Variants in COL26A1 observed in about 807,000 individuals in gnomAD.
The protein encoded by COL26A1 is collagen alpha-1(XXVI) chain.
COL26A1 carries 41 observed loss-of-function variants against 59.3 expected under a neutral mutation model. The observed-to-expected ratio is 0.69, with a 90% CI of 0.54 to 0.90. The LOEUF (loss-of-function observed/expected upper bound fraction) is 0.90. Ranked by LOEUF, COL26A1 falls within the 40% of genes least tolerant of loss-of-function variation. COL26A1 has a pLI of 0.00. For synonymous variants in COL26A1, 266 were observed against 256.0 expected (o/e 1.04, Z -0.37); for missense variants, 612 against 602.3 (o/e 1.02, Z -0.17).
rs559924296 is a variant in COL26A1, at chr7:101,388,194, C to T, written c.158+25004C>T. 8.9e-4 allele frequency among the ~76,000 whole-genome samples: 135 copies of T among 151,896 alleles called. 1 individual carries two copies. The highest frequency in any genetic ancestry group is 6.0e-3 in the South Asian group (29 of 4,796). ...ATCTTGCAAAACTGAAACTCTGGGC[C>T]GGGCGCCGTGGCTCACGCCTGTAAT... On this transcript the variant is annotated intron_variant, in intron 1 of 12. Transcript: ENST00000313669.
At chr7:101,456,057 A>G (rs1301005036) in intron 3 of COL26A1, among the ~76,000 whole-genome samples, 3 of 151,984 alleles carry the variant, frequency 2.0e-5, no homozygotes, top group Admixed American at 2.0e-4. Flanking sequence ...CTATAATATC[A>G]TTGTGAGTGG....
At position 101,405,067 on chromosome 7, in the gene COL26A1, C is replaced by T. The variant is rs563799228; in HGVS notation, c.159-14910C>T. Among the ~76,000 whole-genome samples, 50 of 151,940 alleles carry T rather than the reference C, an allele frequency of 3.3e-4. 1 individual carries two copies. In the East Asian group the frequency reaches 8.7e-3, roughly 27 times the overall value. ...TGAAACCCCGTCTCTACTAAAAATA[C>T]AAAAATTAGCCGGGCGTGGTGGCAG... On this transcript the variant is annotated intron_variant, in intron 1 of 12. Coordinates refer to ENST00000313669, the MANE Select transcript of COL26A1 (RefSeq NM_001278563.3).
chr7:101,379,829 C>T (rs1791404550), intron 1 of COL26A1, among the ~76,000 whole-genome samples: 1 of 152,188 alleles, frequency 6.6e-6, no homozygotes, highest in South Asian at 2.1e-4. Flanking sequence ...AATGCCTTGG[C>T]AATGTCAGGA....
At chr7:101,448,730 G>A (rs921309799) in intron 3 of COL26A1, among the ~76,000 whole-genome samples, 3 of 152,066 alleles carry the variant, frequency 2.0e-5, no homozygotes, top group African/African-American at 4.8e-5. Context: ...TGGATCAAGC[G>A]ATCCTCCCAC....
intron 3 of COL26A1, among the ~76,000 whole-genome samples, chr7:101,481,921 G>A (rs1794164689): frequency 6.6e-6 from 1 of 152,064 alleles, no homozygotes; most frequent in Admixed American, 6.6e-5. Context: ...TCGGGACTAG[G>A]TAAGGATTTA....
chr7:101,514,231 G>A (rs1477268663), intron 3 of COL26A1, among the ~76,000 whole-genome samples: 2 of 152,022 alleles, frequency 1.3e-5, no homozygotes, highest in Non-Finnish European at 2.9e-5. Flanking sequence ...CCAGCTACTC[G>A]GGAAGTTGAG....
intron 11 of COL26A1, among the ~76,000 whole-genome samples, chr7:101,554,298 C>T (rs1432416857): frequency 1.3e-5 from 2 of 152,048 alleles, no homozygotes; most frequent in Non-Finnish European, 2.9e-5. Context: ...AGGGGACCTT[C>T]AGGAAGTCCT....
At chr7:101,417,851 A>G (rs1792416098) in intron 1 of COL26A1, among the ~76,000 whole-genome samples, 1 of 151,532 alleles carries the variant, frequency 6.6e-6, no homozygotes, top group African/African-American at 2.4e-5. Flanking sequence ...CCTCCCAAGT[A>G]GCTGGGTCTA....
intron 1 of COL26A1, 88 bp from the exon 2 acceptor site, chr7:101,419,889 G>C (rs903783824): frequency 2.0e-6 from 3 of 1,483,464 alleles, no homozygotes; most frequent in South Asian, 1.2e-5. Flanking sequence ...GTTTGCGGGG[G>C]CCCCTCCCTG....
rs549383386 is a variant in COL26A1, at chr7:101,513,492, A to AATTTTTGT, written c.386-19567_386-19560dup. ...CAGGCATGTGTCACCGTGCCCAGCT[A>AATTTTTGT]ATTTTTGTATTTTTGTATTTTTGTA... is the stretch of plus-strand genomic sequence containing the variant. On this transcript the variant is annotated intron_variant, in intron 3 of 12. Transcript: ENST00000313669. Among the ~76,000 whole-genome samples the AATTTTTGT allele has an allele frequency of 5.8e-4, 88 of 151,020 alleles. 1 individual carries two copies. The highest frequency in any genetic ancestry group is 2.0e-3 in the African/African-American group (81 of 41,078).
At chr7:101,422,030 T>C (rs1792533380) in intron 2 of COL26A1, among the ~76,000 whole-genome samples, 2 of 151,938 alleles carry the variant, frequency 1.3e-5, no homozygotes, top group South Asian at 4.2e-4. Context: ...CAGCTGCTTT[T>C]GCCAGTTGCG....
At chr7:101,484,964 G>T (rs188779012) in intron 3 of COL26A1, among the ~76,000 whole-genome samples, 1 of 152,116 alleles carries the variant, frequency 6.6e-6, no homozygotes, top group Non-Finnish European at 1.5e-5. Context: ...AGATGATTCT[G>T]CCTCAGTCTC....
chr7:101,387,736 T>TTA lies in COL26A1; in HGVS notation c.158+24562_158+24563dup, dbSNP rs369463267. The stretch of plus-strand genomic sequence containing the variant: ...TTTTTTAACATATATTTTAATATAA[T>TTA]TATATATATATATATATTTATATAT... On this transcript the variant is annotated intron_variant, in intron 1 of 12. Transcript: ENST00000313669. Among the ~76,000 whole-genome samples the TTA allele has an allele frequency of 4.0e-3, 432 of 106,900 alleles. 6 individuals are homozygous for TTA. The highest frequency in any genetic ancestry group is 5.7e-3 in the East Asian group (24 of 4,230). 70.1% of individuals were successfully genotyped at this position (106,900 alleles called of 152,430 possible). A position where few individuals can be genotyped will look rare whatever the true frequency, so the allele number is the denominator to read the frequency against.
At chr7:101,445,697 A>T (rs1344632943) in intron 2 of COL26A1, among the ~76,000 whole-genome samples, 5 of 122,400 alleles carry the variant, frequency 4.1e-5, no homozygotes, top group African/African-American at 6.3e-5. Flanking sequence ...CCGCCACTGC[A>T]CTCCAGCCTG....
At chr7:101,542,508 A>C (rs1235968694) in intron 5 of COL26A1, among the ~76,000 whole-genome samples, 1 of 152,206 alleles carries the variant, frequency 6.6e-6, no homozygotes, top group Non-Finnish European at 1.5e-5. Context: ...TCACCCAGCA[A>C]GCCAGCAAGC....
Position 101,544,011 on chromosome 7 carries a change from G to T in COL26A1, c.618G>T (p.Gln206His). The T allele has an allele frequency of 6.3e-7, 1 of 1,581,794 alleles. No homozygotes were observed. The change falls in exon 6 of 13, where the codon CAG (glutamine) becomes CAT (histidine). Residue 206 changes from glutamine to histidine, a missense_variant. Gln to His is a conservative substitution (Grantham distance 24, BLOSUM62 0). Coordinates refer to ENST00000313669, the MANE Select transcript of COL26A1 (RefSeq NM_001278563.3). ...RPTGPAGPPG[Q>H]TGPPGPAGPP... is the part of the protein sequence containing the mutation. ...TTCTCTCCCCAGGGCCCCCGGGGCA[G>T]ACAGGACCACCAGGGCCTGCAGGCC...
chr7:101,444,272 T>A (rs1793131576), intron 2 of COL26A1, among the ~76,000 whole-genome samples: 1 of 151,924 alleles, frequency 6.6e-6, no homozygotes, highest in African/African-American at 2.4e-5. Flanking sequence ...ACAAAGTGGG[T>A]GTTCAATAAA....
chr7:101,544,085 C>T lies in COL26A1; in HGVS notation c.692C>T (p.Ala231Val), dbSNP rs960583025. 6.9e-6 allele frequency: 11 copies of T among 1,602,108 alleles called. No homozygotes were observed. Among genetic ancestry groups the T allele is most frequent in the Admixed American group, 3.4e-5 (2 of 58,548 alleles). ...GGCCAGACAGGAGAGAAGGGTCCAG[C>T]GGGGCCGCCTGGTAAGAAAACCCCC... ...DRGQTGEKGP[A>V]GPPGLLGPPG... Residue 231 changes from alanine (A) to valine (V), a missense_variant, in exon 6 of 13, where the codon GCG becomes GTG. Physicochemically the swap from Ala to Val is moderately conservative, Grantham distance 64. Transcript: ENST00000313669.
At position 101,390,818 on chromosome 7, in the gene COL26A1, G is replaced by C. The variant is rs566818577; in HGVS notation, c.158+27628G>C. Reference sequence around the variant, plus strand: ...AAAATTTCTTGGAAATATCTGGTGAGGTCTCAGGGATTCCGAGGCTGGGAA... The same window carrying C: ...AAAATTTCTTGGAAATATCTGGTGACGTCTCAGGGATTCCGAGGCTGGGAA... On this transcript the variant is annotated intron_variant, in intron 1 of 12. Transcript: ENST00000313669. Among the ~76,000 whole-genome samples the C allele has an allele frequency of 3.9e-5, 6 of 152,334 alleles. No homozygotes were observed. In the South Asian group the frequency reaches 1.2e-3, roughly 32 times the overall value.
Sources: allele counts gnomAD v4.1 joint callset (sites outside exome capture counted in the v4.1 genomes callset), GRCh38; gene constraint gnomAD v4.1.1; transcripts MANE v1.5; gene names NCBI Gene and HGNC (gene_info 2026-07-23, HGNC 2026-07-21).